The following SLC44A5 variants were observed in gnomAD, a reference collection of about 807,000 sequenced individuals.
The protein encoded by SLC44A5 is choline transporter-like protein 5.
SLC44A5 carries 57 observed loss-of-function variants against 101.8 expected under a neutral mutation model. That is an observed-to-expected ratio of 0.56 (90% CI 0.45 to 0.70). The LOEUF (loss-of-function observed/expected upper bound fraction) is 0.70, where lower values mean the gene tolerates loss of function less well. Among genes scored for constraint, SLC44A5 ranks in the 30% least tolerant of loss-of-function variants. The pLI, the probability that SLC44A5 is intolerant of heterozygous loss-of-function variation, is 0.00. For missense variants in SLC44A5, 737 were observed against 853.1 expected (o/e 0.86, Z 1.70); for synonymous variants, 281 against 290.9 (o/e 0.97, Z 0.35).
At chr1:75,384,511 C>G (rs1661153982) in intron 3 of SLC44A5, among the ~76,000 whole-genome samples, 1 of 110,456 alleles carries the variant, frequency 9.1e-6, no homozygotes, top group Non-Finnish European at 1.8e-5. Context: ...AGCTAACTAT[C>G]CTAAATATAT....
the SLC44A5 span, among the ~76,000 whole-genome samples, chr1:75,679,559 T>G: frequency 2.0e-5 from 3 of 151,598 alleles, no homozygotes; most frequent in Non-Finnish European, 2.9e-5. Context: ...GACAAGCAAA[T>G]GCTGAGAGAT....
intron 1 of SLC44A5, among the ~76,000 whole-genome samples, chr1:75,601,362 C>G (rs1674969728): frequency 1.2e-5 from 1 of 80,286 alleles, no homozygotes; most frequent in Non-Finnish European, 2.3e-5. Context: ...ACATCAAACA[C>G]TGGGGCTTGT....
chr1:75,594,215 C>G (rs1343600103), intron 1 of SLC44A5, among the ~76,000 whole-genome samples: 1 of 151,872 alleles, frequency 6.6e-6, no homozygotes, highest in African/African-American at 2.4e-5. Flanking sequence ...TATACTGAGC[C>G]CAAGTCACAT....
intron 1 of SLC44A5, among the ~76,000 whole-genome samples, chr1:75,571,679 A>G (rs1263619792): frequency 1.3e-5 from 2 of 152,170 alleles, no homozygotes; most frequent in Admixed American, 1.3e-4. Context: ...CCAAACTATG[A>G]TGTTTGGTAG....
intron 5 of SLC44A5, among the ~76,000 whole-genome samples, chr1:75,297,567 G>T (rs564066596): frequency 2.6e-5 from 4 of 152,298 alleles, no homozygotes; most frequent in South Asian, 2.1e-4. Context: ...TTATAGGCAT[G>T]AGCCACTGCC....
chr1:75,486,187 G>A (rs1668140273), intron 2 of SLC44A5, among the ~76,000 whole-genome samples: 1 of 152,026 alleles, frequency 6.6e-6, no homozygotes, highest in Non-Finnish European at 1.5e-5. Context: ...CTCTATTCAA[G>A]ACAGCAAATC....
intron 2 of SLC44A5, among the ~76,000 whole-genome samples, chr1:75,489,271 G>A (rs1397841981): frequency 6.6e-6 from 1 of 152,180 alleles, no homozygotes; most frequent in Non-Finnish European, 1.5e-5. Flanking sequence ...TGTGTGAGGA[G>A]AGGAGGAGTC....
chr1:75,238,616 C>A lies in SLC44A5; in HGVS notation c.553G>T (p.Asp185Tyr). The A allele has an allele frequency of 6.4e-7, 1 of 1,573,976 alleles. No homozygotes were observed. Among genetic ancestry groups the A allele is most frequent in the Non-Finnish European group, 8.7e-7 (1 of 1,155,106 alleles). Residue 185 changes from aspartate to tyrosine, a missense_variant, in exon 10 of 24, where the codon GAC (aspartate) becomes TAC (tyrosine). Coordinates refer to ENST00000370859, the MANE Select transcript of SLC44A5 (RefSeq NM_001130058.2). ...AAAGTGCCATTTTTGGTAGAGAAGT[C>A]AGGGAAACATCTCTGGAGAACTGTA... ...SKPFLQRCFP[D>Y]FSTKNGTLTI... is the part of the protein sequence containing the mutation.
intron 11 of SLC44A5, among the ~76,000 whole-genome samples, chr1:75,235,199 C>T (rs1196229775): frequency 4.0e-5 from 6 of 151,868 alleles, no homozygotes; most frequent in Non-Finnish European, 2.9e-5. Context: ...AAAGATTATT[C>T]CATGGCCTAG....
At chr1:75,613,123 C>G (rs550682238), upstream of SLC44A5, among the ~76,000 whole-genome samples, 13 of 152,354 alleles carry the variant, frequency 8.5e-5, no homozygotes, top group African/African-American at 3.1e-4. Flanking sequence ...AGCCAATGAG[C>G]AACTTGCCTG....
intron 1 of SLC44A5, among the ~76,000 whole-genome samples, chr1:75,555,347 GT>G (rs1672160148): frequency 6.6e-6 from 1 of 151,990 alleles, no homozygotes; most frequent in Non-Finnish European, 1.5e-5. Context: ...ATCTTAATTG[GT>G]TTGGTGGCTC....
chr1:75,576,436 TC>T (rs1673369679), intron 1 of SLC44A5, among the ~76,000 whole-genome samples: 1 of 151,872 alleles, frequency 6.6e-6, no homozygotes, highest in African/African-American at 2.4e-5. Flanking sequence ...TGCCTCAGCC[TC>T]CGAGTAGCTG....
intron 3 of SLC44A5, among the ~76,000 whole-genome samples, chr1:75,352,876 C>A (rs1658790572): frequency 6.6e-6 from 1 of 152,134 alleles, no homozygotes; most frequent in African/African-American, 2.4e-5. Flanking sequence ...GTAGAGAAGA[C>A]AAATAATGAC....
chr1:75,390,596 A>G (rs1661719911), intron 3 of SLC44A5, among the ~76,000 whole-genome samples: 1 of 152,142 alleles, frequency 6.6e-6, no homozygotes, highest in South Asian at 2.1e-4. Context: ...ATGCAAAGAA[A>G]GCTTTTGATA....
chr1:75,631,955 C>G, the SLC44A5 span, among the ~76,000 whole-genome samples: 1 of 152,086 alleles, frequency 6.6e-6, no homozygotes, highest in East Asian at 1.9e-4. Flanking sequence ...GATGAGCCAC[C>G]CTGCCTGGAC....
Position 75,525,081 on chromosome 1 carries a change from C to T in SLC44A5, c.13+16354G>A, listed in dbSNP as rs113374851. 5.8e-3 allele frequency among the ~76,000 whole-genome samples: 883 copies of T among 152,210 alleles called. 4 individuals carry two copies. Among genetic ancestry groups the T allele is most frequent in the African/African-American group, 0.02 (846 of 41,532 alleles). On this transcript the variant is annotated intron_variant, in intron 2 of 23. Transcript: ENST00000370859. ...AAAATGATATAAATTAGAAAAATCA[C>T]ACTTTTTATACCTCCCAATGAAATA...
At chr1:75,596,151 T>A (rs758432820) in intron 1 of SLC44A5, among the ~76,000 whole-genome samples, 3 of 152,014 alleles carry the variant, frequency 2.0e-5, no homozygotes, top group Admixed American at 2.0e-4. Context: ...TAGGCTCAGA[T>A]GATACTGAGT....
intron 1 of SLC44A5, among the ~76,000 whole-genome samples, chr1:75,600,953 G>C (rs1323316509): frequency 6.6e-6 from 1 of 152,158 alleles, no homozygotes; most frequent in East Asian, 1.9e-4. Flanking sequence ...TATAAAGAGA[G>C]ACAGTGAGAA....
the SLC44A5 span, chr1:75,641,529 T>A: frequency 6.7e-7 from 1 of 1,487,854 alleles, no homozygotes; most frequent in East Asian, 2.3e-5. Context: ...CTGACTGGCT[T>A]TTCTACAAAT....
Sources: allele counts gnomAD v4.1 joint callset (sites outside exome capture counted in the v4.1 genomes callset), GRCh38; gene constraint gnomAD v4.1.1; transcripts MANE v1.5; gene names NCBI Gene and HGNC (gene_info 2026-07-23, HGNC 2026-07-21).